Variants in SNX2 observed in about 807,000 individuals in gnomAD.
SNX2 encodes the protein sorting nexin-2.
In SNX2, 25 loss-of-function variants were observed where a neutral mutation model predicts 69.9. The ratio of observed to expected loss-of-function variants is 0.36; its 90% confidence interval spans 0.26 to 0.50. The LOEUF is 0.50. Ranked by LOEUF, SNX2 falls within the 20% of genes least tolerant of loss-of-function variation. SNX2 has a pLI of 0.97. For synonymous variants in SNX2, 229 were observed against 200.4 expected, an observed-to-expected ratio of 1.14 and a Z score of -1.20; for missense variants, 551 against 613.3, an observed-to-expected ratio of 0.90 and a Z score of 1.07.
At chr5:122,784,054 T>C (rs1393364840) in intron 1 of SNX2, among the ~76,000 whole-genome samples, 1 of 151,966 alleles carries the variant, frequency 6.6e-6, no homozygotes, top group East Asian at 1.9e-4. Flanking sequence ...TATTACTTTT[T>C]ATATTTCCCC....
In SNX2 at chr5:122,785,278, T is replaced by G. The variant is rs528572796; in HGVS notation, c.109-9988T>G. Among the ~76,000 whole-genome samples the G allele has an allele frequency of 1.1e-3, 171 of 151,858 alleles. 2 individuals are homozygous for G. Among genetic ancestry groups the G allele is most frequent in the South Asian group, 8.5e-3 (41 of 4,822 alleles). ...GTTTAATTTGCTCTTCTAGTTTTTT[T>G]TTGTTGTTGTTGTTAATTTTAGTTT... is the stretch of plus-strand genomic sequence containing the variant. On this transcript the variant is annotated intron_variant, in intron 1 of 14. Transcript: ENST00000379516.
chr5:122,812,216 C>T (rs114146519), intron 7 of SNX2, among the ~76,000 whole-genome samples: 1 of 152,146 alleles, frequency 6.6e-6, no homozygotes, highest in African/African-American at 2.4e-5. Context: ...CCCCATGCCC[C>T]CATTTTACTC....
chr5:122,806,144 A>ACGCACACACACACACACACACG (rs1411962572), intron 6 of SNX2, among the ~76,000 whole-genome samples: 1 of 8,934 alleles, frequency 1.1e-4, no homozygotes, highest in African/African-American at 2.4e-4. Flanking sequence ...ACGCGCGCGC[A>ACGCACACACACACACACACACG]CACACACACA....
At chr5:122,809,345 A>T (rs1415625534) in intron 7 of SNX2, among the ~76,000 whole-genome samples, 2 of 152,174 alleles carry the variant, frequency 1.3e-5, no homozygotes, top group East Asian at 3.9e-4. Context: ...CTTAAAGACT[A>T]ATATATATGC....
chr5:122,811,751 C>T (rs906735109), intron 7 of SNX2, among the ~76,000 whole-genome samples: 6 of 151,922 alleles, frequency 3.9e-5, no homozygotes, highest in African/African-American at 1.5e-4. Flanking sequence ...GGCTTGAACC[C>T]AGGAGGCAGA....
At chr5:122,812,387 T>TTA (rs200766344) in intron 7 of SNX2, among the ~76,000 whole-genome samples, 654 of 50,226 alleles carry the variant, frequency 0.013, 5 homozygotes, top group African/African-American at 0.12. Context: ...TTTTCCTACC[T>TTA]TAGTCTTTTC....
intron 1 of SNX2, among the ~76,000 whole-genome samples, chr5:122,784,269 A>T (rs1357280971): frequency 6.6e-6 from 1 of 150,886 alleles, no homozygotes; most frequent in Non-Finnish European, 1.5e-5. Context: ...AATATTGAAT[A>T]AAAGTGGTGA....
chr5:122,803,439 T>C, intron 5 of SNX2, 33 bp from the exon 6 acceptor site: 1 of 1,576,160 alleles, frequency 6.3e-7, no homozygotes, highest in Non-Finnish European at 8.6e-7. Flanking sequence ...TGCTTGCTAT[T>C]CAAAATTTGA....
At chr5:122,793,918 A>ACCC (rs1561450092) in intron 1 of SNX2, among the ~76,000 whole-genome samples, 6 of 148,092 alleles carry the variant, frequency 4.1e-5, no homozygotes, top group Middle Eastern at 6.9e-3. Flanking sequence ...TGTCCCCCCA[A>ACCC]AAAAAAAAAA....
intron 8 of SNX2, 40 bp downstream of exon 8, chr5:122,816,011 C>T (rs747724015): frequency 8.1e-6 from 9 of 1,110,894 alleles, no homozygotes; most frequent in Admixed American, 4.1e-5. Flanking sequence ...TGAATGTTCT[C>T]GTTATTTGTC....
At chr5:122,828,992 AC>A (rs2150019359) in intron 14 of SNX2, among the ~76,000 whole-genome samples, 1 of 151,856 alleles carries the variant, frequency 6.6e-6, no homozygotes, top group East Asian at 2.0e-4. Flanking sequence ...GTGGTGGCGC[AC>A]CTGTAATCCC....
Position 122,803,455 on chromosome 5 carries a change from CTCT to C in SNX2, c.502-11_502-9del. On this transcript the variant is annotated splice_polypyrimidine_tract_variant and intron_variant, in intron 5 of 14. Transcript: ENST00000379516. ...GCTTGCTATTCAAAATTTGAAACACCTCTTCTTCACTTGTAGACATCTCTTTCC... is the reference window on the plus strand; with the variant it reads ...GCTTGCTATTCAAAATTTGAAACACCTCTTCACTTGTAGACATCTCTTTCC... The C allele has an allele frequency of 6.3e-7, 1 of 1,586,910 alleles. No homozygotes were observed. Among genetic ancestry groups the C allele is most frequent in the East Asian group, 2.2e-5 (1 of 44,532 alleles).
intron 1 of SNX2, among the ~76,000 whole-genome samples, chr5:122,786,724 C>T (rs781145601): frequency 1.4e-4 from 21 of 151,756 alleles, no homozygotes; most frequent in South Asian, 4.2e-4. Flanking sequence ...CTTGTAAGGA[C>T]GGGCCATTTT....
At chr5:122,828,907 T>TC (rs940337255) in intron 14 of SNX2, among the ~76,000 whole-genome samples, 15 of 152,058 alleles carry the variant, frequency 9.9e-5, no homozygotes, top group Middle Eastern at 6.8e-3. Context: ...TCACCTGAGG[T>TC]CAGGAGTTTA....
At chr5:122,805,488 T>C (rs1175639667) in intron 6 of SNX2, among the ~76,000 whole-genome samples, 1 of 152,056 alleles carries the variant, frequency 6.6e-6, no homozygotes, top group Non-Finnish European at 1.5e-5. Context: ...TAAAGCAATG[T>C]TATTGGTACC....
At chr5:122,780,743 T>C (rs1581621899) in intron 1 of SNX2, among the ~76,000 whole-genome samples, 2 of 151,980 alleles carry the variant, frequency 1.3e-5, no homozygotes, top group East Asian at 3.9e-4. Context: ...CTAATTTTTG[T>C]ATTTTTAGTG....
rs1387175096 is a variant in SNX2, at chr5:122,831,026, A to G, written c.*1378A>G. 1.3e-5 allele frequency among the ~76,000 whole-genome samples: 2 copies of G among 151,564 alleles called. No individual in the cohort carries two copies. Among genetic ancestry groups the G allele is most frequent in the Admixed American group, 1.3e-4 (2 of 15,236 alleles). ...CTCCATCTCAAAAAAAAAAAAAAAA[A>G]AAAAAAAGATGACTGGTGTCAGAGC... On this transcript the variant is annotated 3_prime_UTR_variant, in exon 15 of 15. Coordinates refer to ENST00000379516, the MANE Select transcript of SNX2 (RefSeq NM_003100.4).
intron 1 of SNX2, among the ~76,000 whole-genome samples, chr5:122,785,643 A>G (rs936938771): frequency 6.6e-6 from 1 of 152,144 alleles, no homozygotes; most frequent in Non-Finnish European, 1.5e-5. Flanking sequence ...TATTTGATCT[A>G]TGAGTTATTT....
intron 1 of SNX2, among the ~76,000 whole-genome samples, chr5:122,781,510 G>A (rs897867939): frequency 6.6e-6 from 1 of 152,138 alleles, no homozygotes; most frequent in African/African-American, 2.4e-5. Flanking sequence ...TTTCAGTTTT[G>A]CAGCGTACAT....
Sources: gnomAD v4.1 joint callset for allele counts (sites outside exome capture counted in the v4.1 genomes callset) on GRCh38, gnomAD v4.1.1 for gene constraint, MANE v1.5 for transcripts, NCBI Gene and HGNC (gene_info 2026-07-23, HGNC 2026-07-21) for gene names.